CD200R1: variants seen among roughly 807,000 people sequenced by gnomAD.
The protein encoded by CD200R1 is cell surface glycoprotein CD200 receptor 1.
Under a neutral mutation model 38.1 loss-of-function variants are expected in CD200R1, and 30 were observed. That is an observed-to-expected ratio of 0.79 (90% CI 0.59 to 1.07). The LOEUF (loss-of-function observed/expected upper bound fraction) is 1.07. Ranked by LOEUF, CD200R1 falls within the 50% of genes least tolerant of loss-of-function variation. The pLI, the probability that CD200R1 is intolerant of heterozygous loss-of-function variation, is 0.00. For missense variants in CD200R1, 372 were observed against 415.4 expected (o/e 0.90, Z 0.91); for synonymous variants, 128 against 152.1 (o/e 0.84, Z 1.16).
At position 112,922,498 on chromosome 3, in the gene CD200R1, G is replaced by C. The variant is rs975661034; in HGVS notation, c.*1179C>G. The C allele has an allele frequency of 6.6e-6, 1 of 151,584 alleles. No individual in the cohort carries two copies. Among genetic ancestry groups the C allele is most frequent in the African/African-American group, 2.4e-5 (1 of 41,268 alleles). 9.4% of individuals were successfully genotyped at this position (151,584 alleles called of 1,614,324 possible). A position where few individuals can be genotyped will look rare whatever the true frequency, so the allele number is the denominator to read the frequency against. ...ATGGTGCATTTTTCGCCACTTATAT[G>C]GTCAATAGACATTAATTATTCAATA... On this transcript the variant is annotated 3_prime_UTR_variant, in exon 8 of 8. Transcript: ENST00000308611.
intron 1 of CD200R1, among the ~76,000 whole-genome samples, chr3:112,955,410 G>A (rs539227608): frequency 2.5e-4 from 38 of 151,762 alleles, no homozygotes; most frequent in Non-Finnish European, 5.2e-4. Flanking sequence ...ATATTTAGGT[G>A]CTTCAATGTT....
chr3:112,957,660 T>C (rs1941131915), intron 1 of CD200R1, among the ~76,000 whole-genome samples: 1 of 152,170 alleles, frequency 6.6e-6, no homozygotes, highest in South Asian at 2.1e-4. Flanking sequence ...AAAATTTAAA[T>C]ATTTTGCTTT....
chr3:112,952,942 C>A (rs999937243), intron 1 of CD200R1, among the ~76,000 whole-genome samples: 1 of 152,120 alleles, frequency 6.6e-6, no homozygotes, highest in Non-Finnish European at 1.5e-5. Context: ...CCAGCTAGAA[C>A]TTCCAGCATT....
rs1343493416 is a variant in CD200R1 at position 112,923,491 on chromosome 3, G to A, written c.*186C>T. ...CATCAGTTCTTCAGAGAACTAGCTGGTAGCAGCTAAGAATCAAAAATTCCA... is the reference window on the plus strand; with the variant it reads ...CATCAGTTCTTCAGAGAACTAGCTGATAGCAGCTAAGAATCAAAAATTCCA... On this transcript the variant is annotated 3_prime_UTR_variant, in exon 8 of 8. Coordinates refer to ENST00000308611, the MANE Select transcript of CD200R1 (RefSeq NM_138806.4). 1 of 400,912 alleles carries A rather than the reference G, an allele frequency of 2.5e-6. No homozygotes were observed. Among genetic ancestry groups the A allele is most frequent in the African/African-American group, 2.1e-5 (1 of 47,348 alleles). 24.8% of individuals were successfully genotyped at this position (400,912 alleles called of 1,614,324 possible). A position where few individuals can be genotyped will look rare whatever the true frequency, so the allele number is the denominator to read the frequency against.
chr3:112,945,332 A>G (rs771663551), intron 2 of CD200R1, among the ~76,000 whole-genome samples: 2 of 152,250 alleles, frequency 1.3e-5, no homozygotes, highest in Non-Finnish European at 2.9e-5. Context: ...CTATAAAGCT[A>G]CAATAATCAA....
intron 1 of CD200R1, among the ~76,000 whole-genome samples, chr3:112,972,149 G>A (rs1336848484): frequency 6.6e-6 from 1 of 152,132 alleles, no homozygotes; most frequent in African/African-American, 2.4e-5. Context: ...GCTTAAGCAT[G>A]AACATTTAGA....
chr3:112,929,209 T>A lies in CD200R1; in HGVS notation c.501A>T (p.Gly167=). 6.2e-7 allele frequency: 1 copy of A among 1,614,208 alleles called. No individual in the cohort carries two copies. Among genetic ancestry groups the A allele is most frequent in the African/African-American group, 1.3e-5 (1 of 75,056 alleles). ...CCTTACCTAACACTTGGAGGTGATA[T>A]CCACGATGGAAATTCCCATCAGGTG... The part of the protein sequence containing the change: ...MVTPDGNFHR[G]YHLQVLVTPE... The change falls in exon 4 of 8, where the codon GGA becomes GGT. Residue 167 remains glycine (G), a synonymous_variant. Transcript: ENST00000308611.
rs1186528311 is a variant in CD200R1, at chr3:112,974,923, T to C, written c.-66A>G. ...CTCCACACAGGTACAGAAGGAACTG[T>C]GCGCATGGTGAGACCCTCTCTGGTC... On this transcript the variant is annotated 5_prime_UTR_variant, in exon 1 of 8. Coordinates refer to ENST00000308611, the MANE Select transcript of CD200R1 (RefSeq NM_138806.4). The C allele has an allele frequency of 7.7e-7, 1 of 1,299,688 alleles. No homozygotes were observed. The highest frequency in any genetic ancestry group is 1.2e-5 in the South Asian group (1 of 83,298). 80.5% of individuals were successfully genotyped at this position (1,299,688 alleles called of 1,614,324 possible).
Position 112,956,316 on chromosome 3 carries a change from T to C in CD200R1, c.68-8392A>G, listed in dbSNP as rs370865519. Among the ~76,000 whole-genome samples the C allele has an allele frequency of 1.1e-3, 173 of 152,296 alleles. 4 individuals carry two copies. In the South Asian group the frequency reaches 0.033, roughly 29 times the overall value. On this transcript the variant is annotated intron_variant, in intron 1 of 7. Coordinates refer to ENST00000308611, the MANE Select transcript of CD200R1 (RefSeq NM_138806.4). Reference sequence around the variant, plus strand: ...TGATACTCTACATTGTATTTTTCATTTTTTTCATTGTATTTTTCAGCACTA... The same window carrying C: ...TGATACTCTACATTGTATTTTTCATCTTTTTCATTGTATTTTTCAGCACTA...
At chr3:112,959,069 C>T (rs925815013) in intron 1 of CD200R1, among the ~76,000 whole-genome samples, 1 of 152,082 alleles carries the variant, frequency 6.6e-6, no homozygotes, top group Admixed American at 6.6e-5. Flanking sequence ...AAATGCTGTG[C>T]TCTGCATGCT....
chr3:112,969,199 C>CAGA (rs1245534307), intron 1 of CD200R1, among the ~76,000 whole-genome samples: 1 of 151,826 alleles, frequency 6.6e-6, no homozygotes, highest in Non-Finnish European at 1.5e-5. Flanking sequence ...TAGGGCTTTA[C>CAGA]AGAAGAATGA....
intron 2 of CD200R1, among the ~76,000 whole-genome samples, chr3:112,938,104 G>A (rs1940629651): frequency 6.6e-6 from 1 of 152,092 alleles, no homozygotes; most frequent in Non-Finnish European, 1.5e-5. Flanking sequence ...AGATGATGGG[G>A]TTTTCTAGAT....
intron 2 of CD200R1, among the ~76,000 whole-genome samples, chr3:112,935,088 T>C (rs762290432): frequency 9.9e-5 from 15 of 152,112 alleles, no homozygotes; most frequent in Non-Finnish European, 2.2e-4. Context: ...CACCCAGATA[T>C]ATAAAGCTAA....
intron 2 of CD200R1, 56 bp downstream of exon 2, chr3:112,947,800 C>G: frequency 9.1e-7 from 1 of 1,102,206 alleles, no homozygotes; most frequent in Middle Eastern, 2.0e-4. Context: ...AATGTAAAAC[C>G]TATATGGACA....
At chr3:112,953,748 C>G (rs1941023108) in intron 1 of CD200R1, among the ~76,000 whole-genome samples, 1 of 152,100 alleles carries the variant, frequency 6.6e-6, no homozygotes, top group African/African-American at 2.4e-5. Flanking sequence ...GTGTTTATAA[C>G]AGTCTCTTGT....
intron 5 of CD200R1, among the ~76,000 whole-genome samples, chr3:112,928,229 G>C (rs1940325985): frequency 6.6e-6 from 1 of 152,204 alleles, no homozygotes; most frequent in Non-Finnish European, 1.5e-5. Flanking sequence ...TGGAAAGACA[G>C]GGGTAGAGCT....
chr3:112,969,576 T>C (rs1187293637), intron 1 of CD200R1, among the ~76,000 whole-genome samples: 5 of 152,224 alleles, frequency 3.3e-5, no homozygotes, highest in African/African-American at 7.2e-5. Context: ...TGACTTCAGT[T>C]ACTTAGACCA....
At chr3:112,932,898 A>G (rs535366628) in intron 2 of CD200R1, among the ~76,000 whole-genome samples, 2 of 152,014 alleles carry the variant, frequency 1.3e-5, no homozygotes, top group Admixed American at 6.5e-5. Context: ...AGAGCCTAAG[A>G]AACAACCCAG....
chr3:112,957,554 T>G (rs185751306), intron 1 of CD200R1, among the ~76,000 whole-genome samples: 21 of 152,128 alleles, frequency 1.4e-4, no homozygotes, highest in African/African-American at 5.1e-4. Context: ...TAGAAGAATA[T>G]ATATAAGAGC....
Sources: allele counts gnomAD v4.1 joint callset (sites outside exome capture counted in the v4.1 genomes callset), GRCh38; gene constraint gnomAD v4.1.1; transcripts MANE v1.5; gene names NCBI Gene and HGNC (gene_info 2026-07-23, HGNC 2026-07-21).